Variants in NMD3 observed in about 807,000 individuals in gnomAD.
NMD3 encodes NMD3 ribosome export adaptor.
NMD3 carries 47 observed loss-of-function variants against 73.1 expected under a neutral mutation model. The observed-to-expected ratio is 0.64, with a 90% CI of 0.51 to 0.82. The LOEUF (loss-of-function observed/expected upper bound fraction) is 0.82. Among genes scored for constraint, NMD3 ranks in the 40% least tolerant of loss-of-function variants. The pLI is 0.00. For synonymous variants in NMD3, 210 were observed against 194.5 expected, an observed-to-expected ratio of 1.08 and a Z score of -0.66; for missense variants, 554 against 612.5, an observed-to-expected ratio of 0.90 and a Z score of 1.01.
chr3:161,234,665 T>C lies in NMD3; in HGVS notation c.358-62T>C, dbSNP rs1736673692. On this transcript the variant is annotated intron_variant, in intron 5 of 15. Coordinates refer to ENST00000351193, the MANE Select transcript of NMD3 (RefSeq NM_015938.5). ...AAATTAAATATTAAAGGTTCTTCTT[T>C]AAAGAAAATATTTGTTATTAAACAA... 94 of 1,425,334 alleles carry C rather than the reference T, an allele frequency of 6.6e-5. 1 individual carries two copies. In the South Asian group the frequency reaches 1.2e-3, roughly 19 times the overall value. 88.3% of individuals were successfully genotyped at this position (1,425,334 alleles called of 1,614,324 possible). A position where few individuals can be genotyped will look rare whatever the true frequency, so the allele number is the denominator to read the frequency against.
At chr3:161,222,138 AGGGT>A in intron 2 of NMD3, 81 bp downstream of exon 2, 3 of 1,126,184 alleles carry the variant, frequency 2.7e-6, no homozygotes, top group Non-Finnish European at 4.0e-6. Flanking sequence ...AGAACGCTTG[AGGGT>A]GGGTGGGAAA....
rs1736958041 is a variant in NMD3 at position 161,241,056 on chromosome 3, T to C, written c.764T>C (p.Val255Ala). ...AGTTCTTATGCCTAGGATAATGTTGTCTGTCTGTCTCCAAAACTGGCACAA... is the reference window on the plus strand; with the variant it reads ...AGTTCTTATGCCTAGGATAATGTTGCCTGTCTGTCTCCAAAACTGGCACAA... ...EIVPICKDNV[V>A]CLSPKLAQSL... The change falls in exon 10 of 16, where the codon GTC (valine) becomes GCC (alanine). Residue 255 changes from valine to alanine, a missense_variant. Transcript: ENST00000351193. 1 of 1,607,562 alleles carries C rather than the reference T, an allele frequency of 6.2e-7. No individual in the cohort carries two copies. The highest frequency in any genetic ancestry group is 1.7e-5 in the Admixed American group (1 of 59,918).
At chr3:161,248,005 C>T (rs746251115) in intron 13 of NMD3, among the ~76,000 whole-genome samples, 4 of 151,574 alleles carry the variant, frequency 2.6e-5, no homozygotes, top group Non-Finnish European at 5.9e-5. Context: ...AGGCTGGTCT[C>T]GAACTCCTGG....
chr3:161,222,073 C>G lies in NMD3; in HGVS notation c.44+16C>G. 1 of 1,572,394 alleles carries G rather than the reference C, an allele frequency of 6.4e-7. No homozygotes were observed. Among genetic ancestry groups the G allele is most frequent in the African/African-American group, 1.4e-5 (1 of 72,676 alleles). On this transcript the variant is annotated intron_variant, in intron 2 of 15. Transcript: ENST00000351193. Reference sequence around the variant, plus strand: ...CTGGACACATGTGAGTGCGACACTTCTTCCTTCCCCCTTAAATGTGAAAAT... The same window carrying G: ...CTGGACACATGTGAGTGCGACACTTGTTCCTTCCCCCTTAAATGTGAAAAT...
intron 9 of NMD3, among the ~76,000 whole-genome samples, chr3:161,240,542 T>TTTTTTTTTTTAGG (rs1736931457): frequency 6.7e-6 from 1 of 149,600 alleles, no homozygotes; most frequent in Non-Finnish European, 1.5e-5. Context: ...TTTTTTTTTT[T>TTTTTTTTTTTAGG]GAGAGACAGT....
chr3:161,223,654 C>T (rs544207160), intron 2 of NMD3, among the ~76,000 whole-genome samples: 3 of 152,304 alleles, frequency 2.0e-5, no homozygotes, highest in African/African-American at 7.2e-5. Flanking sequence ...TGACACCATA[C>T]TGTTCACCTA....
chr3:161,238,294 T>A, intron 8 of NMD3, 103 bp downstream of exon 8: 1 of 762,406 alleles, frequency 1.3e-6, no homozygotes, highest in Non-Finnish European at 2.2e-6. Context: ...TTTAAAATCG[T>A]AGTAGAAATA....
At position 161,250,927 on chromosome 3, in the gene NMD3, G is replaced by A. The variant is rs1737463749; in HGVS notation, c.*17G>A. 1 of 1,603,392 alleles carries A rather than the reference G, an allele frequency of 6.2e-7. No homozygotes were observed. Among genetic ancestry groups the A allele is most frequent in the South Asian group, 1.1e-5 (1 of 89,956 alleles). On this transcript the variant is annotated 3_prime_UTR_variant, in exon 16 of 16. Coordinates refer to ENST00000351193, the MANE Select transcript of NMD3 (RefSeq NM_015938.5). ...CTGACATAATGAGATGTTGTAGACT[G>A]TTTCCATACATGGGCTTAAGAAGTT... is the stretch of plus-strand genomic sequence containing the variant.
chr3:161,247,241 C>T lies in NMD3; in HGVS notation c.1131-17C>T, dbSNP rs1200879190. 1 of 1,576,234 alleles carries T rather than the reference C, an allele frequency of 6.3e-7. No individual in the cohort carries two copies. Among genetic ancestry groups the T allele is most frequent in the Non-Finnish European group, 8.7e-7 (1 of 1,146,642 alleles). ...AAGGGTAAATGGTCACTAAGTTTTTCATTGTTTACATTTCAGGTTTGATTT... is the reference window on the plus strand; with the variant it reads ...AAGGGTAAATGGTCACTAAGTTTTTTATTGTTTACATTTCAGGTTTGATTT... On this transcript the variant is annotated splice_polypyrimidine_tract_variant and intron_variant, in intron 12 of 15. Coordinates refer to ENST00000351193, the MANE Select transcript of NMD3 (RefSeq NM_015938.5).
chr3:161,252,553 A>G (rs138932404), downstream of NMD3, among the ~76,000 whole-genome samples: 2,451 of 152,286 alleles, frequency 0.016, 64 homozygotes, highest in African/African-American at 0.056. Context: ...CTGTCATCCA[A>G]GAGCTTGCAC....
At position 161,242,565 on chromosome 3, in the gene NMD3, C is replaced by A; in HGVS notation, c.929C>A (p.Pro310His). 1 of 1,613,346 alleles carries A rather than the reference C, an allele frequency of 6.2e-7. No homozygotes were observed. The highest frequency in any genetic ancestry group is 1.1e-5 in the South Asian group (1 of 91,028). ...WSHPFNSLCH[P>H]KQLEEFIVME... ...CACCCTTTCAATAGTTTATGTCATC[C>A]CAAACAGCTAGAGGAGTTTATTGTG... The change falls in exon 11 of 16, where the codon CCC (proline) becomes CAC (histidine). Residue 310 changes from proline to histidine, a missense_variant. Physicochemically the swap from Pro to His is moderately conservative, Grantham distance 77 (BLOSUM62 -2). Transcript: ENST00000351193.
At chr3:161,240,837 ATT>A (rs35751107) in intron 9 of NMD3, among the ~76,000 whole-genome samples, 1 of 147,936 alleles carries the variant, frequency 6.8e-6, no homozygotes, top group Non-Finnish European at 1.5e-5. Flanking sequence ...CTCAGCCAGG[ATT>A]TTTTTTTTTT....
chr3:161,242,466 T>C (rs1737025975), intron 10 of NMD3, 42 bp from the exon 11 acceptor site: 2 of 1,563,898 alleles, frequency 1.3e-6, no homozygotes. Context: ...AATTGAAATA[T>C]ATAATTTTTC....
intron 4 of NMD3, among the ~76,000 whole-genome samples, chr3:161,227,846 T>C (rs1013702086): frequency 2.0e-5 from 3 of 152,214 alleles, no homozygotes; most frequent in Non-Finnish European, 4.4e-5. Context: ...TAAAAATATC[T>C]TTTTGCTTTA....
At chr3:161,240,774 T>TTCTC (rs1396437648) in intron 9 of NMD3, among the ~76,000 whole-genome samples, 1 of 151,898 alleles carries the variant, frequency 6.6e-6, no homozygotes, top group Non-Finnish European at 1.5e-5. Flanking sequence ...GCTCAAGGGA[T>TTCTC]TCTCCCACCT....
At chr3:161,245,880 C>G (rs1228184576) in intron 11 of NMD3, among the ~76,000 whole-genome samples, 1 of 151,908 alleles carries the variant, frequency 6.6e-6, no homozygotes, top group Non-Finnish European at 1.5e-5. Context: ...GGTTTACTAC[C>G]AGGATTTCTA....
At chr3:161,230,909 T>A (rs1736516059) in intron 4 of NMD3, among the ~76,000 whole-genome samples, 2 of 152,148 alleles carry the variant, frequency 1.3e-5, no homozygotes, top group African/African-American at 4.8e-5. Flanking sequence ...GCGGAAGATA[T>A]GAAATAGTCC....
Position 161,240,526 on chromosome 3 carries a change from A to AT in NMD3, c.754-504dup, listed in dbSNP as rs539406360. The stretch of plus-strand genomic sequence containing the variant: ...AATAGCTTGGTGATTTGGGCCCTGG[A>AT]TTTTTTTTTTTTTTTTGAGAGACAG... On this transcript the variant is annotated intron_variant, in intron 9 of 15. Coordinates refer to ENST00000351193, the MANE Select transcript of NMD3 (RefSeq NM_015938.5). Among the ~76,000 whole-genome samples the AT allele has an allele frequency of 1.5e-3, 162 of 111,692 alleles. 4 individuals are homozygous for AT. Among genetic ancestry groups the AT allele is most frequent in the African/African-American group, 3.6e-3 (95 of 26,384 alleles). 73.3% of individuals were successfully genotyped at this position (111,692 alleles called of 152,430 possible).
chr3:161,235,347 CAACTT>C (rs1042378097), intron 7 of NMD3, 135 bp downstream of exon 7: 3 of 439,116 alleles, frequency 6.8e-6, no homozygotes, highest in Admixed American at 4.2e-5. Context: ...AAAAAAAAAA[CAACTT>C]AATTCTTTAT....
Sources: gnomAD v4.1 joint callset for allele counts (sites outside exome capture counted in the v4.1 genomes callset) on GRCh38, gnomAD v4.1.1 for gene constraint, MANE v1.5 for transcripts, NCBI Gene and HGNC (gene_info 2026-07-23, HGNC 2026-07-21) for gene names.